The following ANKS1B variants were observed in gnomAD, a reference collection of about 807,000 sequenced individuals.
ANKS1B encodes the protein ankyrin repeat and sterile alpha motif domain containing 1B, also known as ankyrin repeat and sterile alpha motif domain-containing protein 1B.
In ANKS1B, 36 loss-of-function variants were observed where a neutral mutation model predicts 148.3. The observed-to-expected ratio is 0.24, with a 90% CI of 0.19 to 0.32. The LOEUF is 0.32. Among genes scored for constraint, ANKS1B ranks in the 10% least tolerant of loss-of-function variants. The pLI is 1.00. For missense variants in ANKS1B, 1,157 were observed against 1,542.6 expected (o/e 0.75, Z 4.19); for synonymous variants, 542 against 560.8 (o/e 0.97, Z 0.47).
In ANKS1B at chr12:99,805,624, A is replaced by T. The variant is rs562598793; in HGVS notation, c.669+780T>A. Among the ~76,000 whole-genome samples the T allele has an allele frequency of 8.3e-4, 126 of 152,204 alleles. 5 individuals carry two copies. In the South Asian group the frequency reaches 0.02, roughly 25 times the overall value. On this transcript the variant is annotated intron_variant, in intron 4 of 26. Coordinates refer to ENST00000683438, the MANE Select transcript of ANKS1B (RefSeq NM_001352186.2). ...ACTCTAGCCTGGGCAACAGAGCAAG[A>T]CTCTGTCTGAAAATAATAATAATAA...
chr12:98,878,930 A>C (rs887543034), intron 17 of ANKS1B, among the ~76,000 whole-genome samples: 1 of 152,190 alleles, frequency 6.6e-6, no homozygotes, highest in Non-Finnish European at 1.5e-5. Flanking sequence ...TTAATTTTTA[A>C]GCTTTTTTCA....
intron 14 of ANKS1B, among the ~76,000 whole-genome samples, chr12:99,233,618 T>A (rs915169284): frequency 1.3e-5 from 2 of 152,170 alleles, no homozygotes; most frequent in African/African-American, 4.8e-5. Context: ...TTGTAAAACT[T>A]ATGAATTAAT....
At chr12:99,590,486 C>T (rs2097692198) in intron 9 of ANKS1B, among the ~76,000 whole-genome samples, 1 of 152,084 alleles carries the variant, frequency 6.6e-6, no homozygotes, top group Non-Finnish European at 1.5e-5. Context: ...TCATGTCTGT[C>T]CCTTGCATCC....
At chr12:99,022,684 GTTTTC>G (rs1568408442) in intron 17 of ANKS1B, among the ~76,000 whole-genome samples, 1 of 151,708 alleles carries the variant, frequency 6.6e-6, no homozygotes, top group African/African-American at 2.4e-5. Flanking sequence ...TTTAAGTGGG[GTTTTC>G]TTTTCTTTTT....
In ANKS1B at chr12:98,829,034, A is replaced by C; in HGVS notation, c.3066+140T>G. 1 of 960,240 alleles carries C rather than the reference A, an allele frequency of 1.0e-6. No individual in the cohort carries two copies. 59.5% of individuals were successfully genotyped at this position (960,240 alleles called of 1,614,324 possible). ...TGTCTCGGTCTAGTTCAGATGAGCA[A>C]GGAATGAAAGGCGGGGCATAACATG... On this transcript the variant is annotated intron_variant, in intron 19 of 26. Coordinates refer to ENST00000683438, the MANE Select transcript of ANKS1B (RefSeq NM_001352186.2). The surrounding 1 kb of genome is among the most constrained non-coding windows in gnomAD (Gnocchi z 5.2).
chr12:99,362,489 A>G (rs1004016078), intron 12 of ANKS1B, among the ~76,000 whole-genome samples: 8 of 152,038 alleles, frequency 5.3e-5, no homozygotes, highest in African/African-American at 1.7e-4. Flanking sequence ...CTTCATGTTA[A>G]AGTGTGCCTA....
chr12:99,935,041 G>A (rs560214884), intron 1 of ANKS1B, among the ~76,000 whole-genome samples: 8 of 151,912 alleles, frequency 5.3e-5, no homozygotes, highest in East Asian at 1.9e-4. Flanking sequence ...TTTCTATTCC[G>A]ATAAATAAAT....
At chr12:99,812,387 T>A in intron 2 of ANKS1B, 76 bp from the exon 3 acceptor site, 1 of 1,442,304 alleles carries the variant, frequency 6.9e-7, no homozygotes, top group South Asian at 1.4e-5. Flanking sequence ...TTTAAAAGAA[T>A]ACTAGATGCT....
chr12:99,302,681 C>A (rs2081815726), intron 12 of ANKS1B, among the ~76,000 whole-genome samples: 1 of 152,060 alleles, frequency 6.6e-6, no homozygotes, highest in Admixed American at 6.6e-5. Flanking sequence ...TTCTCAGTAT[C>A]ATCTATCAAA....
At chr12:99,704,775 C>A (rs560589008) in intron 8 of ANKS1B, among the ~76,000 whole-genome samples, 5 of 152,078 alleles carry the variant, frequency 3.3e-5, no homozygotes, top group African/African-American at 7.2e-5. Context: ...AAAGGTGCTG[C>A]ATCTGACATT....
chr12:99,409,989 C>T (rs561870470), intron 11 of ANKS1B, among the ~76,000 whole-genome samples: 10 of 152,348 alleles, frequency 6.6e-5, no homozygotes, highest in Middle Eastern at 3.4e-3. Context: ...CCTCATATCA[C>T]CCTACTTTCC....
At chr12:99,778,902 AAT>A in intron 6 of ANKS1B, among the ~76,000 whole-genome samples, 1 of 152,172 alleles carries the variant, frequency 6.6e-6, no homozygotes, top group African/African-American at 2.4e-5. Flanking sequence ...CCTGCAAAAC[AAT>A]GCTGTTCTTC....
intron 15 of ANKS1B, among the ~76,000 whole-genome samples, chr12:99,121,943 T>C (rs1294245607): frequency 6.6e-6 from 1 of 152,152 alleles, no homozygotes; most frequent in Non-Finnish European, 1.5e-5. Context: ...GAACAGTTGG[T>C]AAGGTTTTAG....
chr12:99,200,803 CAGA>C (rs1210729858), intron 14 of ANKS1B, among the ~76,000 whole-genome samples: 1 of 152,168 alleles, frequency 6.6e-6, no homozygotes, highest in East Asian at 1.9e-4. Context: ...TCCACAAGGG[CAGA>C]AGTCTTTGCT....
intron 14 of ANKS1B, among the ~76,000 whole-genome samples, chr12:99,206,402 T>G (rs898194243): frequency 5.9e-5 from 9 of 152,176 alleles, no homozygotes; most frequent in Non-Finnish European, 1.3e-4. Flanking sequence ...ACACTGCATT[T>G]AAGATGTGCA....
chr12:99,001,879 C>T lies in ANKS1B; in HGVS notation c.2778+51278G>A, dbSNP rs557706707. On this transcript the variant is annotated intron_variant, in intron 17 of 26. Transcript: ENST00000683438. Reference sequence around the variant, plus strand: ...AAGAGTTCAACTTTTTTAGATTTCACATATAAGTAGAATCAGACAGTATTT... The same window carrying T: ...AAGAGTTCAACTTTTTTAGATTTCATATATAAGTAGAATCAGACAGTATTT... 2.0e-5 allele frequency among the ~76,000 whole-genome samples: 3 copies of T among 152,342 alleles called. No homozygotes were observed. The South Asian group carries it at 6.2e-4, about 32-fold the overall frequency.
intron 14 of ANKS1B, among the ~76,000 whole-genome samples, chr12:99,241,109 G>C (rs1366990581): frequency 6.6e-6 from 1 of 152,154 alleles, no homozygotes; most frequent in Non-Finnish European, 1.5e-5. Flanking sequence ...GAATCCAGGA[G>C]CTGGTTTTTT....
At chr12:99,642,347 T>G (rs1168793730) in intron 9 of ANKS1B, among the ~76,000 whole-genome samples, 1 of 121,420 alleles carries the variant, frequency 8.2e-6, no homozygotes, top group Admixed American at 9.0e-5. Context: ...TGACCTAATT[T>G]CTGTAGCTAT....
chr12:99,655,305 C>A, intron 8 of ANKS1B, 95 bp from the exon 9 acceptor site: 1 of 1,159,214 alleles, frequency 8.6e-7, no homozygotes, highest in Non-Finnish European at 1.2e-6. Flanking sequence ...TGGTATATCT[C>A]GGCAAACAAG....
Sources: gnomAD v4.1 joint callset for allele counts (sites outside exome capture counted in the v4.1 genomes callset) on GRCh38, gnomAD v4.1.1 for gene constraint, Gnocchi (gnomAD v3.1) non-coding constraint, MANE v1.5 for transcripts, NCBI Gene and HGNC (gene_info 2026-07-23, HGNC 2026-07-21) for gene names.